Variants in RBFOX1 observed in about 807,000 individuals in gnomAD.
RBFOX1 encodes the protein RNA binding fox-1 homolog 1.
RBFOX1 carries 8 observed loss-of-function variants against 57.7 expected under a neutral mutation model. The observed-to-expected ratio is 0.14, with a 90% CI of 0.08 to 0.25. The LOEUF (loss-of-function observed/expected upper bound fraction) is 0.25. Ranked by LOEUF, RBFOX1 falls within the 10% of genes least tolerant of loss-of-function variation. The pLI is 1.00. For missense variants in RBFOX1, 611 were observed against 548.5 expected (o/e 1.11, Z -1.14); for synonymous variants, 326 against 222.4 (o/e 1.47, Z -4.15).
At chr16:6,796,513 C>A (rs149328669) in intron 3 of RBFOX1, among the ~76,000 whole-genome samples, 28 of 152,290 alleles carry the variant, frequency 1.8e-4, no homozygotes, top group African/African-American at 6.5e-4. Context: ...CTTTCATCCA[C>A]TGTAAATAAC....
intron 3 of RBFOX1, among the ~76,000 whole-genome samples, chr16:6,667,650 G>A (rs905819237): frequency 1.3e-5 from 2 of 152,178 alleles, no homozygotes; most frequent in East Asian, 3.9e-4. Context: ...TTGGACACAA[G>A]TGGGAGGATT....
At chr16:7,532,808 C>A (rs1601097975) in intron 5 of RBFOX1, among the ~76,000 whole-genome samples, 1 of 152,174 alleles carries the variant, frequency 6.6e-6, no homozygotes, top group African/African-American at 2.4e-5. Flanking sequence ...GTAATTGTGA[C>A]AGAGCTCGAT....
chr16:5,598,409 C>T (rs1010699358), intron 2 of RBFOX1, among the ~76,000 whole-genome samples: 3 of 151,926 alleles, frequency 2.0e-5, no homozygotes, highest in African/African-American at 7.3e-5. Context: ...GTCAAAGATG[C>T]AATTTAGCAT....
At chr16:7,478,513 C>T (rs569805722) in intron 4 of RBFOX1, among the ~76,000 whole-genome samples, 2 of 152,252 alleles carry the variant, frequency 1.3e-5, no homozygotes, top group Non-Finnish European at 2.9e-5. Flanking sequence ...GAGGGGGAGT[C>T]CCTGGTACCA....
At chr16:7,545,439 T>G (rs2084187169) in intron 5 of RBFOX1, among the ~76,000 whole-genome samples, 2 of 152,024 alleles carry the variant, frequency 1.3e-5, no homozygotes, top group Admixed American at 1.3e-4. Flanking sequence ...TGCACATTAG[T>G]CAGTAATTCT....
intron 3 of RBFOX1, among the ~76,000 whole-genome samples, chr16:5,752,600 A>G (rs749236302): frequency 4.5e-4 from 68 of 152,164 alleles, no homozygotes; most frequent in Non-Finnish European, 2.4e-4. Flanking sequence ...CTTCAGAGAG[A>G]ATGGCACCCC....
intron 3 of RBFOX1, among the ~76,000 whole-genome samples, chr16:6,838,669 C>T (rs2093277966): frequency 6.6e-6 from 1 of 152,118 alleles, no homozygotes. Flanking sequence ...CTTTATTGGG[C>T]AAAGCCGATA....
intron 5 of RBFOX1, among the ~76,000 whole-genome samples, chr16:7,571,681 G>A (rs2092791976): frequency 6.6e-6 from 1 of 152,174 alleles, no homozygotes; most frequent in South Asian, 2.1e-4. Context: ...AGCTGGCATT[G>A]TGGTCCTAAT....
rs368380507 is a variant in RBFOX1 at position 6,247,327 on chromosome 16, G to C, written c.-126-69668G>C. Among the ~76,000 whole-genome samples the C allele has an allele frequency of 5.3e-5, 8 of 152,268 alleles. No individual in the cohort carries two copies. The East Asian group carries it at 5.8e-4, about 11-fold the overall frequency. Reference sequence around the variant, plus strand: ...GGACAAAGCCTTGGTCTTGAATCACGTGGTCTCTTCTCTTGTTCAGACTTT... The same window carrying C: ...GGACAAAGCCTTGGTCTTGAATCACCTGGTCTCTTCTCTTGTTCAGACTTT... On this transcript the variant is annotated intron_variant, in intron 1 of 15. Transcript: ENST00000550418.
At chr16:6,943,548 A>T (rs1363294754) in intron 3 of RBFOX1, among the ~76,000 whole-genome samples, 1 of 152,054 alleles carries the variant, frequency 6.6e-6, no homozygotes, top group East Asian at 1.9e-4. Flanking sequence ...CTCTACTAAA[A>T]ATACAAAAAA....
chr16:7,203,302 A>G (rs575967529), intron 4 of RBFOX1, among the ~76,000 whole-genome samples: 19 of 152,318 alleles, frequency 1.2e-4, no homozygotes, highest in African/African-American at 4.6e-4. Flanking sequence ...AAACACACGC[A>G]CTGTATAATT....
chr16:6,320,697 G>A (rs1446603012), intron 2 of RBFOX1, among the ~76,000 whole-genome samples: 1 of 152,046 alleles, frequency 6.6e-6, no homozygotes, highest in East Asian at 1.9e-4. Context: ...GCCAGACGGA[G>A]CAAGTGAACG....
At chr16:6,697,136 A>G (rs2061168734) in intron 3 of RBFOX1, among the ~76,000 whole-genome samples, 1 of 152,200 alleles carries the variant, frequency 6.6e-6, no homozygotes, top group African/African-American at 2.4e-5. Context: ...GAAGATATTC[A>G]GGGATTGACT....
At chr16:5,297,604 G>T (rs1236368987) in intron 1 of RBFOX1, among the ~76,000 whole-genome samples, 2 of 152,042 alleles carry the variant, frequency 1.3e-5, no homozygotes, top group Admixed American at 6.6e-5. Context: ...CTATTGAGTT[G>T]AGTTCTTTAT....
chr16:6,716,801 A>G (rs2064918231), intron 3 of RBFOX1, among the ~76,000 whole-genome samples: 1 of 152,130 alleles, frequency 6.6e-6, no homozygotes, highest in South Asian at 2.1e-4. Flanking sequence ...GTAACAGGAT[A>G]TAAGTTTGGG....
intron 2 of RBFOX1, among the ~76,000 whole-genome samples, chr16:5,508,340 C>T (rs748680219): frequency 6.6e-6 from 1 of 152,188 alleles, no homozygotes; most frequent in Admixed American, 6.5e-5. Context: ...TTGCCAACTA[C>T]CTGCATCTCC....
rs140817424 is a variant in RBFOX1 at position 7,407,923 on chromosome 16, C to A, written c.28-110224C>A. ...CAGCCATGCCCATTTGTTTACCAAT[C>A]GTGGGTGGCTGCTTTTGGGCCGCAA... is the stretch of plus-strand genomic sequence containing the variant. On this transcript the variant is annotated intron_variant, in intron 4 of 15. Transcript: ENST00000550418. Among the ~76,000 whole-genome samples, 128 of 152,274 alleles carry A rather than the reference C, an allele frequency of 8.4e-4. 1 individual carries two copies. The highest frequency in any genetic ancestry group is 2.7e-3 in the East Asian group (14 of 5,180).
intron 4 of RBFOX1, among the ~76,000 whole-genome samples, chr16:7,270,432 C>T (rs1376113794): frequency 6.6e-6 from 1 of 152,022 alleles, no homozygotes; most frequent in Non-Finnish European, 1.5e-5. Context: ...AGGAAGATAC[C>T]ATCGGGCAGA....
intron 2 of RBFOX1, among the ~76,000 whole-genome samples, chr16:5,541,391 G>A (rs957321194): frequency 4.6e-5 from 7 of 151,980 alleles, no homozygotes; most frequent in Non-Finnish European, 1.0e-4. Flanking sequence ...CAAGGTAGTC[G>A]GGGCACAGCC....
Sources: gnomAD v4.1 joint callset for allele counts (sites outside exome capture counted in the v4.1 genomes callset) on GRCh38, gnomAD v4.1.1 for gene constraint, MANE v1.5 for transcripts, NCBI Gene and HGNC (gene_info 2026-07-23, HGNC 2026-07-21) for gene names.